The following EIF4G1 variants were observed in gnomAD, a reference collection of about 807,000 sequenced individuals.
EIF4G1 encodes EIF4-gamma.
EIF4G1 carries 4 observed loss-of-function variants against 187.8 expected under a neutral mutation model. That is an observed-to-expected ratio of 0.02 (90% CI 0.01 to 0.05). The LOEUF is 0.05. Ranked by LOEUF, EIF4G1 falls within the 10% of genes least tolerant of loss-of-function variation. EIF4G1 has a pLI of 1.00. For missense variants in EIF4G1, 1,647 were observed against 2,081.1 expected (o/e 0.79, Z 4.06); for synonymous variants, 844 against 781.4 (o/e 1.08, Z -1.34).
At position 184,324,284 on chromosome 3, in the gene EIF4G1, G is replaced by A. The variant is rs1424138074; in HGVS notation, c.2556G>A (p.Glu852=). 2 of 1,614,110 alleles carry A rather than the reference G, an allele frequency of 1.2e-6. No homozygotes were observed. Among genetic ancestry groups the A allele is most frequent in the Non-Finnish European group, 8.5e-7 (1 of 1,180,046 alleles). ...LLLNRCQKEF[E]KDKDDDEVFE... ...TGAATCGATGTCAGAAGGAGTTTGAGAAAGACAAAGATGATGATGAGGTTT... is the reference window on the plus strand; with the variant it reads ...TGAATCGATGTCAGAAGGAGTTTGAAAAAGACAAAGATGATGATGAGGTTT... The change falls in exon 17 of 33, where the codon GAG becomes GAA. Residue 852 remains glutamate, a synonymous_variant. Coordinates refer to ENST00000346169, the MANE Select transcript of EIF4G1 (RefSeq NM_198241.3).
rs764011884 is a variant in EIF4G1 at position 184,325,954 on chromosome 3, AG to A, written c.3222+7del. 95 of 1,614,052 alleles carry A rather than the reference AG, an allele frequency of 5.9e-5. 2 individuals are homozygous for A. The South Asian group carries it at 9.4e-4, about 16-fold the overall frequency. On this transcript the variant is annotated splice_donor_region_variant and intron_variant, in intron 21 of 32. Coordinates refer to ENST00000346169, the MANE Select transcript of EIF4G1 (RefSeq NM_198241.3). The surrounding 1 kb of genome is among the most constrained non-coding windows in gnomAD (Gnocchi z 5.2). ...CACGACTCACCAAGATCACCAAGGTAGGGGTGTGTGTGGGAGTGGGTGATTC... is the reference window on the plus strand; with the variant it reads ...CACGACTCACCAAGATCACCAAGGTAGGGTGTGTGTGGGAGTGGGTGATTC...
rs1725103679 is a variant in EIF4G1, at chr3:184,327,194, A to T, written c.3429-22A>T. ...TGCCTGGGCAGTGCAAGTGAGTGAA[A>T]ATTTGTCTGTCTGTCTTCCAGGAGT... On this transcript the variant is annotated intron_variant, in intron 23 of 32. Transcript: ENST00000346169. The T allele has an allele frequency of 4.3e-6, 7 of 1,612,320 alleles. No individual in the cohort carries two copies. In the Admixed American group the frequency reaches 1.2e-4, roughly 27 times the overall value.
Position 184,315,870 on chromosome 3 carries a change from A to C in EIF4G1, c.60+14A>C, listed in dbSNP as rs1722679807. ...GGACTCCCACAGGTAATTAGGGAGG[A>C]ATTAGCAGGGGTGGGGGTGGGGGAG... On this transcript the variant is annotated intron_variant, in intron 3 of 32. Coordinates refer to ENST00000346169, the MANE Select transcript of EIF4G1 (RefSeq NM_198241.3). The C allele has an allele frequency of 8.6e-7, 1 of 1,159,982 alleles. No individual in the cohort carries two copies. The highest frequency in any genetic ancestry group is 1.2e-6 in the Non-Finnish European group (1 of 861,964). 71.9% of individuals were successfully genotyped at this position (1,159,982 alleles called of 1,614,324 possible). A position where few individuals can be genotyped will look rare whatever the true frequency, so the allele number is the denominator to read the frequency against.
At chr3:184,319,135 A>G (rs1272231546) in intron 6 of EIF4G1, 3 of 152,554 alleles carry the variant, frequency 2.0e-5, no homozygotes, top group East Asian at 1.9e-4. Flanking sequence ...GTTTGCTTTA[A>G]GGAATTAATT....
At chr3:184,316,275 G>T in intron 4 of EIF4G1, 57 bp downstream of exon 4, 2 of 1,599,194 alleles carry the variant, frequency 1.3e-6, no homozygotes, top group Non-Finnish European at 1.7e-6. Flanking sequence ...GGAAAGCTTT[G>T]GCCAGTTTAG....
Position 184,322,644 on chromosome 3 carries a change from C to T in EIF4G1, c.1709C>T (p.Ala570Val), listed in dbSNP as rs757486634. The T allele has an allele frequency of 1.2e-6, 2 of 1,614,180 alleles. No individual in the cohort carries two copies. Among genetic ancestry groups the T allele is most frequent in the Non-Finnish European group, 1.7e-6 (2 of 1,180,030 alleles). The change falls in exon 12 of 33, where the codon GCA becomes GTA. Residue 570 changes from alanine (A) to valine (V), a missense_variant. By Grantham distance (64) the Ala-to-Val change is moderately conservative (BLOSUM62 0). Coordinates refer to ENST00000346169, the MANE Select transcript of EIF4G1 (RefSeq NM_198241.3). ...GGTGTGCCCCCACGTCCTGAGGAAGCAGATGAGACCTGGGACTCAAAGGAA... is the reference window on the plus strand; with the variant it reads ...GGTGTGCCCCCACGTCCTGAGGAAGTAGATGAGACCTGGGACTCAAAGGAA... Reference protein sequence around the residue: ...GSGVPPRPEEADETWDSKEDK... With the variant: ...GSGVPPRPEEVDETWDSKEDK...
chr3:184,332,252 C>A, intron 32 of EIF4G1, 166 bp downstream of exon 32: 1 of 950,528 alleles, frequency 1.1e-6, no homozygotes, highest in Non-Finnish European at 1.6e-6. Context: ...TTGTGTTGTT[C>A]CTACAAGTGG....
chr3:184,322,935 G>A lies in EIF4G1; in HGVS notation c.1910G>A (p.Ser637Asn). 6.2e-7 allele frequency: 1 copy of A among 1,614,186 alleles called. No individual in the cohort carries two copies. Among genetic ancestry groups the A allele is most frequent in the Non-Finnish European group, 8.5e-7 (1 of 1,180,044 alleles). ...AAGCCAGAGGGATTGCCACATATCA[G>A]TGACGTGGTGCTGGACAAGGTTAGT... The part of the protein sequence containing the change: ...MQKPEGLPHI[S>N]DVVLDKANKT... Residue 637 changes from serine (S) to asparagine (N), a missense_variant, in exon 13 of 33, where the codon AGT (serine) becomes AAT (asparagine). Coordinates refer to ENST00000346169, the MANE Select transcript of EIF4G1 (RefSeq NM_198241.3).
At chr3:184,324,590 G>A (rs1724507285) in intron 17 of EIF4G1, among the ~76,000 whole-genome samples, 1 of 152,162 alleles carries the variant, frequency 6.6e-6, no homozygotes, top group Admixed American at 6.5e-5. Context: ...CTCCCAAGTA[G>A]CTGGGATTAC....
At chr3:184,329,092 GTGAT>G in intron 28 of EIF4G1, 102 bp downstream of exon 28, 1 of 1,366,436 alleles carries the variant, frequency 7.3e-7, no homozygotes, top group Non-Finnish European at 1.0e-6. Flanking sequence ...TGGAGTGATG[GTGAT>G]GACAGGATTG....
rs939065656 is a variant in EIF4G1, at chr3:184,326,691, T to C, written c.3325+62T>C. On this transcript the variant is annotated intron_variant, in intron 22 of 32. Coordinates refer to ENST00000346169, the MANE Select transcript of EIF4G1 (RefSeq NM_198241.3). ...TCAGAGCTCCCTTGAGGACAGAGCC[T>C]TTTCTGTTAGGGAGGCCTTCAGTAC... is the stretch of plus-strand genomic sequence containing the variant. 4 of 1,583,978 alleles carry C rather than the reference T, an allele frequency of 2.5e-6. No individual in the cohort carries two copies. In the African/African-American group the frequency reaches 5.4e-5, roughly 21 times the overall value.
chr3:184,320,409 G>A lies in EIF4G1; in HGVS notation c.538-221G>A, dbSNP rs1373178399. 7.5e-6 allele frequency: 11 copies of A among 1,461,302 alleles called. No homozygotes were observed. In the East Asian group the frequency reaches 2.6e-4, roughly 34 times the overall value. The allele number at this position is 1,461,302 out of a possible 1,614,324, so 90.5% of individuals were successfully genotyped here. On this transcript the variant is annotated intron_variant, in intron 7 of 32. Transcript: ENST00000346169. ...GGAGGGAGGGGCATTGTGATGTACA[G>A]GGCTGCTCTGTGAGATCAAGGGTCT... is the stretch of plus-strand genomic sequence containing the variant.
At position 184,321,585 on chromosome 3, in the gene EIF4G1, C is replaced by T. The variant is rs200405556; in HGVS notation, c.1001C>T (p.Pro334Leu). 2.6e-5 allele frequency: 42 copies of T among 1,614,148 alleles called. No homozygotes were observed. The East Asian group carries it at 2.9e-4, about 11-fold the overall frequency. ...GAAGTAGAAGTGACACTTAGCAAAC[C>T]GGTTCCAGAATCTGAGTTTTCTTCC... ...ILEVEVTLSKPVPESEFSSSP... is the reference protein window; with the variant it reads ...ILEVEVTLSKLVPESEFSSSP... The change falls in exon 10 of 33, where the codon CCG (proline) becomes CTG (leucine). Residue 334 changes from proline to leucine, a missense_variant. Physicochemically the swap from Pro to Leu is moderately conservative, Grantham distance 98. This residue lies in a region of EIF4G1 where 522 missense variants were observed against 485.2 expected (regional missense o/e 1.08). Transcript: ENST00000346169.
intron 7 of EIF4G1, among the ~76,000 whole-genome samples, chr3:184,320,137 C>T (rs987501052): frequency 2.0e-5 from 3 of 151,792 alleles, no homozygotes; most frequent in Non-Finnish European, 2.9e-5. Context: ...CCCTGCCCCC[C>T]CAGTCCTGGA....
chr3:184,331,783 C>T lies in EIF4G1; in HGVS notation c.4451C>T (p.Thr1484Met), dbSNP rs377408315. Reference protein sequence around the residue: ...VSNTLVRALMTAVCYSAIIFE... With the variant: ...VSNTLVRALMMAVCYSAIIFE... The stretch of plus-strand genomic sequence containing the variant: ...AACACGTTAGTTCGAGCCCTCATGA[C>T]GGCTGTCTGCTATTCTGCAATTATT... Residue 1484 changes from threonine (T) to methionine (M), a missense_variant, in exon 31 of 33, where the codon ACG (threonine) becomes ATG (methionine). Thr to Met is a moderately conservative substitution (Grantham distance 81). This residue lies in a region of EIF4G1 where 543 missense variants were observed against 638.0 expected (regional missense o/e 0.85). Coordinates refer to ENST00000346169, the MANE Select transcript of EIF4G1 (RefSeq NM_198241.3). 32 of 1,614,034 alleles carry T rather than the reference C, an allele frequency of 2.0e-5. No homozygotes were observed. The highest frequency in any genetic ancestry group is 1.5e-4 in the African/African-American group (11 of 74,892).
intron 16 of EIF4G1, 38 bp from the exon 17 acceptor site, chr3:184,324,163 G>C (rs1724419499): frequency 6.2e-7 from 1 of 1,614,156 alleles, no homozygotes. Flanking sequence ...TCCCTGCCCA[G>C]GACTAGTCTT....
At chr3:184,324,580 C>T (rs1724503329) in intron 17 of EIF4G1, among the ~76,000 whole-genome samples, 1 of 152,218 alleles carries the variant, frequency 6.6e-6, no homozygotes, top group African/African-American at 2.4e-5. Flanking sequence ...CTGCCTCAGC[C>T]TCCCAAGTAG....
chr3:184,320,908 A>C lies in EIF4G1; in HGVS notation c.631-19A>C, dbSNP rs768804481. The C allele has an allele frequency of 6.2e-7, 1 of 1,614,202 alleles. No homozygotes were observed. Among genetic ancestry groups the C allele is most frequent in the South Asian group, 1.1e-5 (1 of 91,076 alleles). On this transcript the variant is annotated intron_variant, in intron 8 of 32. Transcript: ENST00000346169. ...TGGGACTCTTCAGTGCAAACTTGGT[A>C]ACCCTTTGTGTCCTGCAGACGGGAG... is the stretch of plus-strand genomic sequence containing the variant.
At chr3:184,332,858 A>AAT (rs1726397636) in intron 32 of EIF4G1, among the ~76,000 whole-genome samples, 1 of 152,180 alleles carries the variant, frequency 6.6e-6, no homozygotes, top group Non-Finnish European at 1.5e-5. Context: ...GAAGAGAGGG[A>AAT]TGTGGGCCTG....
Sources: allele counts gnomAD v4.1 joint callset (sites outside exome capture counted in the v4.1 genomes callset), GRCh38; gene constraint gnomAD v4.1.1; regional missense constraint gnomAD v4.1.1; non-coding constraint Gnocchi (gnomAD v3.1); transcripts MANE v1.5; gene names NCBI Gene and HGNC (gene_info 2026-07-23, HGNC 2026-07-21).